RALGPS1: variants seen among roughly 807,000 people sequenced by gnomAD.
RALGPS1 encodes Ral GEF with PH domain and SH3 binding motif 1, also known as ras-specific guanine nucleotide-releasing factor RalGPS1.
RALGPS1 carries 19 observed loss-of-function variants against 78.8 expected under a neutral mutation model. That is an observed-to-expected ratio of 0.24 (90% CI 0.17 to 0.35). The LOEUF (loss-of-function observed/expected upper bound fraction) is 0.35. Among genes scored for constraint, RALGPS1 ranks in the 10% least tolerant of loss-of-function variants. The probability of loss-of-function intolerance (pLI) is 1.00; values close to 1 mark genes in which losing one functional copy is unlikely to be tolerated. For missense variants in RALGPS1, 454 were observed against 688.3 expected (o/e 0.66, Z 3.81); for synonymous variants, 228 against 256.3 (o/e 0.89, Z 1.06).
At chr9:127,099,763 T>C (rs1389711506) in intron 8 of RALGPS1, among the ~76,000 whole-genome samples, 1 of 152,260 alleles carries the variant, frequency 6.6e-6, no homozygotes, top group African/African-American at 2.4e-5. Flanking sequence ...GAATAGCTTG[T>C]ATGGTCCCAA....
At chr9:127,088,760 A>G in intron 8 of RALGPS1, 1 of 701,962 alleles carries the variant, frequency 1.4e-6, no homozygotes, top group East Asian at 2.7e-5. Context: ...GGAGGGACAG[A>G]AAACACCGTA....
chr9:126,977,035 GAT>G (rs2040730275), intron 3 of RALGPS1, among the ~76,000 whole-genome samples: 1 of 152,234 alleles, frequency 6.6e-6, no homozygotes, highest in African/African-American at 2.4e-5. Flanking sequence ...TTTGAGGACA[GAT>G]ACTTAAAATG....
chr9:127,094,738 A>G (rs2052910570), intron 8 of RALGPS1, among the ~76,000 whole-genome samples: 1 of 152,196 alleles, frequency 6.6e-6, no homozygotes, highest in African/African-American at 2.4e-5. Context: ...CAGGCTCATA[A>G]ACTTAAAGGA....
At chr9:127,120,861 T>C (rs941243227) in intron 8 of RALGPS1, among the ~76,000 whole-genome samples, 1 of 152,088 alleles carries the variant, frequency 6.6e-6, no homozygotes, top group African/African-American at 2.4e-5. Flanking sequence ...GTCTCTGCTC[T>C]TCCCTTCCCT....
intron 4 of RALGPS1, among the ~76,000 whole-genome samples, chr9:127,002,930 A>G (rs1478630877): frequency 1.3e-5 from 2 of 152,164 alleles, no homozygotes; most frequent in East Asian, 1.9e-4. Context: ...TCTTTATAGC[A>G]GCATGATTTA....
At chr9:127,065,897 T>C (rs2049647178) in intron 7 of RALGPS1, among the ~76,000 whole-genome samples, 1 of 152,190 alleles carries the variant, frequency 6.6e-6, no homozygotes. Context: ...CGGAAATACA[T>C]GTTTAGGGTT....
At chr9:126,976,290 C>A (rs948748863) in intron 3 of RALGPS1, among the ~76,000 whole-genome samples, 24 of 149,646 alleles carry the variant, frequency 1.6e-4, no homozygotes, top group African/African-American at 5.9e-4. Context: ...ACACACACAC[C>A]CCCTTACACT....
At chr9:127,200,403 T>C (rs2061570989) in intron 14 of RALGPS1, among the ~76,000 whole-genome samples, 1 of 152,260 alleles carries the variant, frequency 6.6e-6, no homozygotes, top group Non-Finnish European at 1.5e-5. Flanking sequence ...GTTTTATACA[T>C]GTGGAAAACA....
intron 11 of RALGPS1, among the ~76,000 whole-genome samples, chr9:127,181,486 C>T (rs1393556240): frequency 6.6e-6 from 1 of 152,234 alleles, no homozygotes; most frequent in East Asian, 1.9e-4. Flanking sequence ...GAGGCTCTGT[C>T]CCCACAGCTC....
chr9:127,189,017 A>C lies in RALGPS1; in HGVS notation c.911-6074A>C, dbSNP rs1431157233. Among the ~76,000 whole-genome samples the C allele has an allele frequency of 1.3e-4, 20 of 148,840 alleles. 1 individual carries two copies. The highest frequency in any genetic ancestry group is 2.7e-4 in the African/African-American group (11 of 40,922). ...TGTCTCAAAAAAAAAAAAAAAAAAA[A>C]AAAAAAAAAACCCCATTGGCTCACA... is the stretch of plus-strand genomic sequence containing the variant. On this transcript the variant is annotated intron_variant, in intron 11 of 18. Transcript: ENST00000259351.
intron 4 of RALGPS1, among the ~76,000 whole-genome samples, chr9:127,005,606 G>C (rs1245134053): frequency 6.6e-6 from 1 of 152,114 alleles, no homozygotes; most frequent in Non-Finnish European, 1.5e-5. Flanking sequence ...ACAGAAAGCT[G>C]CTTCGACTAC....
chr9:127,051,361 C>T (rs1025206441), intron 6 of RALGPS1, among the ~76,000 whole-genome samples: 5 of 152,208 alleles, frequency 3.3e-5, no homozygotes, highest in Non-Finnish European at 5.9e-5. Flanking sequence ...GACTGTCATG[C>T]TGGCTCTGTG....
intron 1 of RALGPS1, among the ~76,000 whole-genome samples, chr9:126,918,922 G>T (rs148126799): frequency 0.012 from 1,890 of 152,070 alleles, 44 homozygotes; most frequent in African/African-American, 0.044. Flanking sequence ...CGCCTGCCTC[G>T]GCCTCCCAAA....
At chr9:127,072,489 T>C (rs1019293215) in intron 8 of RALGPS1, among the ~76,000 whole-genome samples, 3 of 152,210 alleles carry the variant, frequency 2.0e-5, no homozygotes, top group Admixed American at 1.3e-4. Context: ...TCCATTTATT[T>C]GATAAACATT....
intron 2 of RALGPS1, among the ~76,000 whole-genome samples, chr9:126,965,519 G>A (rs995361363): frequency 5.9e-5 from 9 of 152,136 alleles, no homozygotes; most frequent in Admixed American, 5.2e-4. Context: ...TTTTGGGGTC[G>A]GATAGATACA....
At chr9:126,946,196 C>A (rs1171172722) in intron 1 of RALGPS1, among the ~76,000 whole-genome samples, 18 of 152,010 alleles carry the variant, frequency 1.2e-4, no homozygotes, top group Admixed American at 9.2e-4. Context: ...CCTTCTAGTT[C>A]CAGACAATGT....
At chr9:127,180,404 T>C (rs899628470) in intron 11 of RALGPS1, among the ~76,000 whole-genome samples, 6 of 152,230 alleles carry the variant, frequency 3.9e-5, no homozygotes, top group African/African-American at 1.4e-4. Flanking sequence ...TTGTATTGCC[T>C]GGTGGTAGAA....
At position 127,035,440 on chromosome 9, in the gene RALGPS1, C is replaced by A. The variant is rs185753680; in HGVS notation, c.300+926C>A. ...GATCTTCAGGAGAAAGCATGCAAAC[C>A]CCCAAATTGTACTGTTGTACTGTTG... On this transcript the variant is annotated intron_variant, in intron 5 of 18. Transcript: ENST00000259351. Among the ~76,000 whole-genome samples, 53 of 152,278 alleles carry A rather than the reference C, an allele frequency of 3.5e-4. 1 individual carries two copies. Among genetic ancestry groups the A allele is most frequent in the Admixed American group, 2.9e-3 (45 of 15,300 alleles).
intron 8 of RALGPS1, chr9:127,093,994 C>T (rs2052812034): frequency 6.5e-7 from 1 of 1,547,208 alleles, no homozygotes; most frequent in African/African-American, 1.4e-5. Context: ...CAGCTGCACC[C>T]CAAGCAGGCA....
Sources: allele counts gnomAD v4.1 joint callset (sites outside exome capture counted in the v4.1 genomes callset), GRCh38; gene constraint gnomAD v4.1.1; transcripts MANE v1.5; gene names NCBI Gene and HGNC (gene_info 2026-07-23, HGNC 2026-07-21).